Variants in EPPIN observed in about 807,000 individuals in gnomAD.
EPPIN encodes WAP four-disulfide core domain protein 7.
Under a neutral mutation model 18.8 loss-of-function variants are expected in EPPIN, and 14 were observed. That is an observed-to-expected ratio of 0.75 (90% CI 0.49 to 1.17). EPPIN has a LOEUF of 1.17. Among genes scored for constraint, EPPIN ranks in the 50% most tolerant of loss-of-function variants. The pLI is 0.00. For synonymous variants in EPPIN, 57 were observed against 54.8 expected (o/e 1.04, Z -0.18); for missense variants, 143 against 154.2 (o/e 0.93, Z 0.39).
intron 2 of EPPIN, chr20:45,543,292 T>C (rs1055372686): frequency 1.3e-5 from 2 of 155,238 alleles, no homozygotes; most frequent in African/African-American, 4.8e-5. Flanking sequence ...GGGAGAGCAA[T>C]GGAACATGCT....
chr20:45,545,043 C>G (rs149481727), intron 2 of EPPIN: 2,182 of 152,454 alleles, frequency 0.014, 95 homozygotes, highest in Admixed American at 0.1. Flanking sequence ...CCCCCCTGAC[C>G]ACACTGAGAC....
In EPPIN at chr20:45,545,642, G is replaced by C. The variant is rs1979793699; in HGVS notation, c.220C>G (p.Gln74Glu). The change falls in exon 2 of 4, where the codon CAA becomes GAA. Residue 74 changes from glutamine (Q) to glutamate (E), a missense_variant. Physicochemically the swap from Gln to Glu is conservative, Grantham distance 29. Coordinates refer to ENST00000354280, the MANE Select transcript of EPPIN (RefSeq NM_020398.4). ...SCGKKCLDLK[Q>E]DVCEMPKETG... ...ATTCTGCAGCTCTGAATATTACCTT[G>C]TTTGAGATCTAAACATTTTTTTCCG... 1 of 1,613,840 alleles carries C rather than the reference G, an allele frequency of 6.2e-7. No individual in the cohort carries two copies. The highest frequency in any genetic ancestry group is 1.3e-5 in the African/African-American group (1 of 74,882).
chr20:45,545,063 T>C (rs1047624091), intron 2 of EPPIN: 4 of 152,430 alleles, frequency 2.6e-5, no homozygotes, highest in African/African-American at 4.8e-5. Flanking sequence ...CCAAATCCTA[T>C]TGTGGGTCTC....
In EPPIN at chr20:45,542,394, C is replaced by G. The variant is rs1024538745; in HGVS notation, c.392-240G>C. On this transcript the variant is annotated intron_variant, in intron 3 of 3. Transcript: ENST00000354280. ...GTCAACGTGTCTTAAGTTTAGCGTCCTGTGCCTCTTCTGCAATTCATCTCT... is the reference window on the plus strand; with the variant it reads ...GTCAACGTGTCTTAAGTTTAGCGTCGTGTGCCTCTTCTGCAATTCATCTCT... 10 of 640,210 alleles carry G rather than the reference C, an allele frequency of 1.6e-5. No individual in the cohort carries two copies. The African/African-American group carries it at 1.8e-4, about 12-fold the overall frequency. 39.7% of individuals were successfully genotyped at this position (640,210 alleles called of 1,614,324 possible).
chr20:45,545,516 C>T (rs1176269039), intron 2 of EPPIN, 123 bp downstream of exon 2: 3 of 1,544,066 alleles, frequency 1.9e-6, no homozygotes, highest in South Asian at 2.4e-5. Flanking sequence ...TCGCAGGTCT[C>T]CCAAGTCCAG....
At chr20:45,542,622 C>G in intron 3 of EPPIN, 78 bp downstream of exon 3, 2 of 1,547,514 alleles carry the variant, frequency 1.3e-6, no homozygotes, top group Non-Finnish European at 8.7e-7. Context: ...TGTAGCTGTC[C>G]TGGAATGGAC....
intron 1 of EPPIN, 22 bp downstream of exon 1, chr20:45,547,245 A>G: frequency 6.2e-7 from 1 of 1,613,682 alleles, no homozygotes; most frequent in Non-Finnish European, 8.5e-7. Context: ...TCTCTAGGGT[A>G]AGGGCTGAGG....
At chr20:45,547,214 T>C (rs1251393689) in intron 1 of EPPIN, 53 bp downstream of exon 1, 1 of 1,611,664 alleles carries the variant, frequency 6.2e-7, no homozygotes, top group East Asian at 2.2e-5. Context: ...CCCTGTTCCT[T>C]CCTCCCAGCA....
intron 3 of EPPIN, chr20:45,542,363 T>G (rs1202160591): frequency 2.9e-6 from 2 of 697,066 alleles, no homozygotes; most frequent in East Asian, 2.7e-5. Flanking sequence ...TTAGAAGGGT[T>G]GGTTGGTCAA....
At position 45,545,776 on chromosome 20, in the gene EPPIN, G is replaced by GAAAGAGCGGTTT. The variant is rs1568989920; in HGVS notation, c.92-18_92-7dup. The GAAAGAGCGGTTT allele has an allele frequency of 2.5e-6, 4 of 1,613,756 alleles. No homozygotes were observed. Among genetic ancestry groups the GAAAGAGCGGTTT allele is most frequent in the Admixed American group, 3.3e-5 (2 of 59,964 alleles). The stretch of plus-strand genomic sequence containing the variant: ...TCTGATTTTGGGACATCTCCCTAGG[G>GAAAGAGCGGTTT]AAAGAGCGGTTTTACACCCGTGTGC... On this transcript the variant is annotated splice_region_variant and splice_polypyrimidine_tract_variant and intron_variant, in intron 1 of 3. Transcript: ENST00000354280.
intron 1 of EPPIN, among the ~76,000 whole-genome samples, chr20:45,546,538 T>G (rs1979843084): frequency 6.6e-6 from 1 of 152,246 alleles, no homozygotes; most frequent in African/African-American, 2.4e-5. Context: ...TGATCTCATT[T>G]AATCTTTATA....
intron 1 of EPPIN, among the ~76,000 whole-genome samples, chr20:45,546,634 G>A (rs1979847818): frequency 6.6e-6 from 1 of 152,072 alleles, no homozygotes. Context: ...ACTTGCCCAA[G>A]ATTACAGGGC....
intron 2 of EPPIN, chr20:45,545,066 T>A (rs1042260775): frequency 1.3e-5 from 2 of 152,456 alleles, no homozygotes; most frequent in Non-Finnish European, 2.9e-5. Context: ...AATCCTATTG[T>A]GGGTCTCAGA....
Position 45,542,061 on chromosome 20 carries a change from G to A in EPPIN, c.*83C>T. 1.3e-6 allele frequency: 2 copies of A among 1,569,276 alleles called. No homozygotes were observed. The highest frequency in any genetic ancestry group is 1.7e-6 in the Non-Finnish European group (2 of 1,150,002). ...ATGCTGAGAGTGAAACTGGAAGCCA[G>A]TCTGGAGCATCCGTCAGGTACAGGA... On this transcript the variant is annotated 3_prime_UTR_variant, in exon 4 of 4. Transcript: ENST00000354280.
Position 45,541,615 on chromosome 20 carries a change from A to G in EPPIN, c.*529T>C, listed in dbSNP as rs1979593598. On this transcript the variant is annotated 3_prime_UTR_variant, in exon 4 of 4. Transcript: ENST00000354280. ...TGCCCTTTTCCCAGGGTTAGTTTCT[A>G]GAGGATCCAAACTAAGGCACTGTCC... 1 of 153,244 alleles carries G rather than the reference A, an allele frequency of 6.5e-6. No individual in the cohort carries two copies. The highest frequency in any genetic ancestry group is 1.5e-5 in the Non-Finnish European group (1 of 68,770). The allele number at this position is 153,244 out of a possible 1,614,324, so 9.5% of individuals were successfully genotyped here.
chr20:45,543,955 C>T (rs1307251400), intron 2 of EPPIN: 1 of 152,390 alleles, frequency 6.6e-6, no homozygotes, highest in Non-Finnish European at 1.5e-5. Flanking sequence ...TGTGATGTCA[C>T]TCTTGACCCC....
At chr20:45,542,283 T>C (rs1320701399) in intron 3 of EPPIN, 129 bp from the exon 4 acceptor site, 2 of 1,194,174 alleles carry the variant, frequency 1.7e-6, no homozygotes, top group Non-Finnish European at 2.3e-6. Context: ...TGGGGAGCTC[T>C]CCATCTCCTT....
At chr20:45,543,029 C>T (rs868230497) in intron 2 of EPPIN, 162 bp from the exon 3 acceptor site, 2 of 1,133,406 alleles carry the variant, frequency 1.8e-6, no homozygotes, top group Non-Finnish European at 2.4e-6. Flanking sequence ...CACACATTTG[C>T]AAGGAGACCC....
Position 45,542,791 on chromosome 20 carries a change from A to G in EPPIN, c.300T>C (p.Asn100=). The G allele has an allele frequency of 1.2e-6, 2 of 1,614,034 alleles. No homozygotes were observed. The highest frequency in any genetic ancestry group is 1.1e-5 in the South Asian group (1 of 91,070). Residue 100 remains asparagine (N), a synonymous_variant, in exon 3 of 4, where the codon AAT becomes AAC. Transcript: ENST00000354280. ...CACCATAGACAAACATGGAGCAAGT[A>G]TTATCTTTCTTGTCATACCACCAAT... is the stretch of plus-strand genomic sequence containing the variant. ...FLHWWYDKKD[N]TCSMFVYGGC...
Sources: gnomAD v4.1 joint callset for allele counts (sites outside exome capture counted in the v4.1 genomes callset) on GRCh38, gnomAD v4.1.1 for gene constraint, MANE v1.5 for transcripts, NCBI Gene and HGNC (gene_info 2026-07-23, HGNC 2026-07-21) for gene names.